KMT2D: variants seen among roughly 807,000 people sequenced by gnomAD.
KMT2D encodes histone-lysine N-methyltransferase 2D.
A neutral mutation model predicts 512.7 loss-of-function variants in KMT2D; 55 were observed. The observed-to-expected ratio is 0.11, with a 90% CI of 0.09 to 0.13. The LOEUF (loss-of-function observed/expected upper bound fraction) is 0.13, where lower values mean the gene tolerates loss of function less well. KMT2D is among the 10% of genes least tolerant of loss of function. KMT2D has a pLI of 1.00. For synonymous variants in KMT2D, 2,995 were observed against 2,904.0 expected (o/e 1.03, Z -1.01); for missense variants, 6,061 against 7,127.9 (o/e 0.85, Z 5.39).
rs766161909 is a variant in KMT2D at position 49,022,568 on chromosome 12, T to C, written c.16338+22A>G. ...GTTGAGTGCAGACTATGCACCACAATGGCCCCTCTGCCAGCTCATACCTGC... is the reference window on the plus strand; with the variant it reads ...GTTGAGTGCAGACTATGCACCACAACGGCCCCTCTGCCAGCTCATACCTGC... On this transcript the variant is annotated intron_variant, in intron 52 of 54. Transcript: ENST00000301067. The surrounding 1 kb of genome is among the most constrained non-coding windows in gnomAD (Gnocchi z 8.6). 4.3e-5 allele frequency: 69 copies of C among 1,607,704 alleles called. No individual in the cohort carries two copies. The highest frequency in any genetic ancestry group is 1.8e-4 in the Middle Eastern group (1 of 5,708).
intron 35 of KMT2D, among the ~76,000 whole-genome samples, chr12:49,035,299 T>C (rs971123032): frequency 6.6e-6 from 1 of 152,182 alleles, no homozygotes; most frequent in African/African-American, 2.4e-5. Context: ...ACTTTATGAC[T>C]CGGAAAGCAT....
chr12:49,046,241 G>A lies in KMT2D; in HGVS notation c.4583+19C>T, dbSNP rs1943779157. On this transcript the variant is annotated intron_variant, in intron 17 of 54. Transcript: ENST00000301067. This position sits in a 1 kb window ranked among gnomAD's most constrained non-coding sequence, Gnocchi z 4.2. ...AGGCTGGCAACAGGGCCAAAGTGAG[G>A]AGAAAGGGATGTTCTCACCGTTCAC... 1.2e-6 allele frequency: 2 copies of A among 1,613,820 alleles called. No individual in the cohort carries two copies. The highest frequency in any genetic ancestry group is 1.7e-5 in the Admixed American group (1 of 59,988).
Position 49,033,568 on chromosome 12 carries a change from A to C in KMT2D, c.11137T>G (p.Ser3713Ala), listed in dbSNP as rs780573479. 3.1e-6 allele frequency: 5 copies of C among 1,613,504 alleles called. No homozygotes were observed. Among genetic ancestry groups the C allele is most frequent in the Admixed American group, 1.7e-5 (1 of 60,016 alleles). The stretch of plus-strand genomic sequence containing the variant: ...AGCTGCCTTTCCTGTAAAAGCCTTG[A>C]ATCAGGTCCGAGGCTTCGAAGAGCA... ...NLALRSLGPD[S>A]RLLQERQLQL... is the part of the protein sequence containing the mutation. Residue 3713 changes from serine to alanine, a missense_variant, in exon 40 of 55, where the codon TCA (serine) becomes GCA (alanine). Around this residue, in one of 16 missense-constraint regions of KMT2D, gnomAD observed 1,600 missense variants for 1,754.9 expected, o/e 0.91. Coordinates refer to ENST00000301067, the MANE Select transcript of KMT2D (RefSeq NM_003482.4).
chr12:49,043,469 A>ATC, intron 24 of KMT2D, 41 bp from the exon 25 acceptor site: 1 of 1,607,976 alleles, frequency 6.2e-7, no homozygotes, highest in Non-Finnish European at 8.5e-7. Flanking sequence ...GATGTCCTAC[A>ATC]TCTGATGCCC....
rs1565776588 is a variant in KMT2D, at chr12:49,032,822, T to TTGC, written c.11882_11883insGCA (p.Gln3965dup). On this transcript the variant is annotated inframe_insertion, in exon 40 of 55. Coordinates refer to ENST00000301067, the MANE Select transcript of KMT2D (RefSeq NM_003482.4). The stretch of plus-strand genomic sequence containing the variant: ...GCTGCTGTTGAAACTGCTGCTGTTG[T>TTGC]TGTTGCTGTTGCTGTTGTAGCTGCT... The TTGC allele has an allele frequency of 6.4e-7, 1 of 1,550,906 alleles. No individual in the cohort carries two copies. Among genetic ancestry groups the TTGC allele is most frequent in the South Asian group, 1.2e-5 (1 of 84,014 alleles).
chr12:49,022,212 TGTTC>T lies in KMT2D; in HGVS notation c.16412+64_16413-62del. On this transcript the variant is annotated intron_variant, in intron 53 of 54. Coordinates refer to ENST00000301067, the MANE Select transcript of KMT2D (RefSeq NM_003482.4). This position sits in a 1 kb window ranked among gnomAD's most constrained non-coding sequence, Gnocchi z 8.6. The stretch of plus-strand genomic sequence containing the variant: ...CTAACTTGGGACAATTTTGATTCCT[TGTTC>T]GTCTATCCCCCAGAGTGCCACTCTC... 6.2e-7 allele frequency: 1 copy of T among 1,601,906 alleles called. No homozygotes were observed. The highest frequency in any genetic ancestry group is 2.2e-5 in the East Asian group (1 of 44,788).
At position 49,054,058 on chromosome 12, in the gene KMT2D, G is replaced by A. The variant is rs748834953; in HGVS notation, c.593C>T (p.Ala198Val). ...GCPRLYHFPC[A>V]TASGSFLSMK... ...GGATAGGAAGGAACCGCTGGCAGTCGCGCAGGGGAAGTGGTAAAGCCGTGG... is the reference window on the plus strand; with the variant it reads ...GGATAGGAAGGAACCGCTGGCAGTCACGCAGGGGAAGTGGTAAAGCCGTGG... Residue 198 changes from alanine to valine, a missense_variant, in exon 6 of 55, where the codon GCG (alanine) becomes GTG (valine). This residue lies in a region of KMT2D where 160 missense variants were observed against 225.8 expected (regional missense o/e 0.71). Transcript: ENST00000301067. This position sits in a 1 kb window ranked among gnomAD's most constrained non-coding sequence, Gnocchi z 6.4. The A allele has an allele frequency of 1.1e-5, 18 of 1,613,910 alleles. No homozygotes were observed. The highest frequency in any genetic ancestry group is 2.2e-5 in the East Asian group (1 of 44,880).
In KMT2D at chr12:49,024,752, G is replaced by C. The variant is rs2137710993; in HGVS notation, c.15922-44C>G. On this transcript the variant is annotated intron_variant, in intron 50 of 54. Transcript: ENST00000301067. The surrounding 1 kb of genome is among the most constrained non-coding windows in gnomAD (Gnocchi z 4.5). ...CTCACCTTAGCCTGAGTTTTTTTGG[G>C]GTTAGGCCAAAGTTCTCAGTGCCCG... 1 of 1,608,206 alleles carries C rather than the reference G, an allele frequency of 6.2e-7. No individual in the cohort carries two copies. The highest frequency in any genetic ancestry group is 2.2e-5 in the East Asian group (1 of 44,728).
Position 49,042,346 on chromosome 12 carries a change from A to G in KMT2D, c.5868-16T>C. On this transcript the variant is annotated splice_polypyrimidine_tract_variant and intron_variant, in intron 28 of 54. Coordinates refer to ENST00000301067, the MANE Select transcript of KMT2D (RefSeq NM_003482.4). This position sits in a 1 kb window ranked among gnomAD's most constrained non-coding sequence, Gnocchi z 4.4. ...CCCGCGCTCCCTGGGGCGCAGGGGC[A>G]GAGAGTCACAGGGCGCAGGGATGCC... 6.6e-7 allele frequency: 1 copy of G among 1,512,320 alleles called. No homozygotes were observed. The highest frequency in any genetic ancestry group is 8.9e-7 in the Non-Finnish European group (1 of 1,129,718). 93.7% of individuals were successfully genotyped at this position (1,512,320 alleles called of 1,614,324 possible). A position where few individuals can be genotyped will look rare whatever the true frequency, so the allele number is the denominator to read the frequency against.
chr12:49,054,503 T>C lies in KMT2D; in HGVS notation c.400+25A>G, dbSNP rs1211881648. 5 of 1,594,924 alleles carry C rather than the reference T, an allele frequency of 3.1e-6. No homozygotes were observed. In the East Asian group the frequency reaches 1.1e-4, roughly 36 times the overall value. Reference sequence around the variant, plus strand: ...CAGGACTACCCAGCCCTTATCCCATTTCCTGCCCCATTCTCCTCACTCACC... The same window carrying C: ...CAGGACTACCCAGCCCTTATCCCATCTCCTGCCCCATTCTCCTCACTCACC... On this transcript the variant is annotated intron_variant, in intron 4 of 54. Coordinates refer to ENST00000301067, the MANE Select transcript of KMT2D (RefSeq NM_003482.4). The surrounding 1 kb of genome is among the most constrained non-coding windows in gnomAD (Gnocchi z 6.4).
In KMT2D at chr12:49,040,829, G is replaced by A. The variant is rs1401415779; in HGVS notation, c.6941C>T (p.Thr2314Ile). ...CTTTAACTCCAGGCCACCCAGGTGG[G>A]TGCCTGAGGAGGGTGAGTCAACAAA... ...LGFVDSPSSG[T>I]HLGGLELKTP... Residue 2314 changes from threonine (T) to isoleucine (I), a missense_variant, in exon 32 of 55, where the codon ACC (threonine) becomes ATC (isoleucine). Thr to Ile is a moderately conservative substitution (Grantham distance 89, BLOSUM62 -1). Transcript: ENST00000301067. 3 of 1,613,782 alleles carry A rather than the reference G, an allele frequency of 1.9e-6. No homozygotes were observed. Among genetic ancestry groups the A allele is most frequent in the Non-Finnish European group, 2.5e-6 (3 of 1,179,762 alleles).
chr12:49,050,875 C>T lies in KMT2D; in HGVS notation c.2797+11G>A, dbSNP rs2120658844. 1 of 1,542,572 alleles carries T rather than the reference C, an allele frequency of 6.5e-7. No homozygotes were observed. Among genetic ancestry groups the T allele is most frequent in the African/African-American group, 1.4e-5 (1 of 73,018 alleles). On this transcript the variant is annotated intron_variant, in intron 11 of 54. Transcript: ENST00000301067. The stretch of plus-strand genomic sequence containing the variant: ...CTGTTCCAGAATAACAGAGTACTAA[C>T]ATCCCCTTACCTGGTGGCATCAGCT...
In KMT2D at chr12:49,049,714, G is replaced by A. The variant is rs762841102; in HGVS notation, c.3874C>T (p.Arg1292Cys). Residue 1292 changes from arginine to cysteine, a missense_variant, in exon 12 of 55, where the codon CGC (arginine) becomes TGC (cysteine). By Grantham distance (180) the Arg-to-Cys change is radical (BLOSUM62 -3). Transcript: ENST00000301067. ...ATGCGGGAACGGGCTGGGGAGCTGC[G>A]CCGCCGCCCCTTCTCCCCCTCAGCT... is the stretch of plus-strand genomic sequence containing the variant. Reference protein sequence around the residue: ...GKAEGEKGRRRSSPARSRIKQ... With the variant: ...GKAEGEKGRRCSSPARSRIKQ... 6 of 1,599,580 alleles carry A rather than the reference G, an allele frequency of 3.8e-6. No individual in the cohort carries two copies. Among genetic ancestry groups the A allele is most frequent in the South Asian group, 2.2e-5 (2 of 90,440 alleles).
In KMT2D at chr12:49,038,714, C is replaced by A. The variant is rs775911186; in HGVS notation, c.8642G>T (p.Arg2881Leu). 1 of 1,610,188 alleles carries A rather than the reference C, an allele frequency of 6.2e-7. No homozygotes were observed. Among genetic ancestry groups the A allele is most frequent in the Non-Finnish European group, 8.5e-7 (1 of 1,178,524 alleles). Residue 2881 changes from arginine to leucine, a missense_variant, in exon 35 of 55, where the codon CGG (arginine) becomes CTG (leucine). Arg to Leu is a moderately radical substitution (Grantham distance 102). Coordinates refer to ENST00000301067, the MANE Select transcript of KMT2D (RefSeq NM_003482.4). The surrounding 1 kb of genome is among the most constrained non-coding windows in gnomAD (Gnocchi z 5.7). ...TCCCAGTCCTTTCTGTACATTGTGC[C>A]GCAGCTCAATGAACTGGGCAGGACC... Reference protein sequence around the residue: ...PAGPAQFIELRHNVQKGLGPG... With the variant: ...PAGPAQFIELLHNVQKGLGPG...
At chr12:49,027,419 C>T in intron 48 of KMT2D, 97 bp from the exon 49 acceptor site, 1 of 977,604 alleles carries the variant, frequency 1.0e-6, no homozygotes, top group East Asian at 2.5e-5. Context: ...AAGGCCTCCA[C>T]ATTCTTTGCC....
At chr12:49,053,829 C>A in intron 6 of KMT2D, 149 bp downstream of exon 6, 2 of 1,084,640 alleles carry the variant, frequency 1.8e-6, no homozygotes, top group Non-Finnish European at 2.6e-6. Context: ...ACAGGCAAAA[C>A]CCTGGTGCTC....
Position 49,042,864 on chromosome 12 carries a change from C to T in KMT2D, c.5659G>A (p.Glu1887Lys). The T allele has an allele frequency of 6.2e-7, 1 of 1,613,882 alleles. No individual in the cohort carries two copies. ...AAGAGCTGCTGCAGGTCCTTGGATT[C>T]CATCTTGGGCAGTTCTGTGGGGGAA... ...RISTEELPKMESKDLQQLFKD... is the reference protein window; with the variant it reads ...RISTEELPKMKSKDLQQLFKD... The change falls in exon 27 of 55, where the codon GAA (glutamate) becomes AAA (lysine). Residue 1887 changes from glutamate to lysine, a missense_variant. Glu to Lys is a moderately conservative substitution (Grantham distance 56). Transcript: ENST00000301067. This position sits in a 1 kb window ranked among gnomAD's most constrained non-coding sequence, Gnocchi z 4.4.
rs2120507070 is a variant in KMT2D at position 49,038,968 on chromosome 12, T to C, written c.8388A>G (p.Gln2796=). ...GATAGGGTGCTCGCTGATAGAAAGC[T>C]TGGGAGCCTCCTACCAGTTGCCTGG... ...VNSRQLVGGS[Q]AFYQRAPYPG... Residue 2796 remains glutamine (Q), a synonymous_variant, in exon 35 of 55, where the codon CAA becomes CAG. Transcript: ENST00000301067. This position sits in a 1 kb window ranked among gnomAD's most constrained non-coding sequence, Gnocchi z 5.7. The C allele has an allele frequency of 6.4e-7, 1 of 1,551,814 alleles. No homozygotes were observed. Among genetic ancestry groups the C allele is most frequent in the Non-Finnish European group, 8.7e-7 (1 of 1,147,078 alleles).
Position 49,055,364 on chromosome 12 carries a change from G to A in KMT2D, c.-37-3C>T, listed in dbSNP as rs750501302. On this transcript the variant is annotated splice_region_variant and splice_polypyrimidine_tract_variant and intron_variant, in intron 1 of 54. Transcript: ENST00000301067. ...GGGCAGGGCCCTCTCGGGGAGACCT[G>A]TTGGTGCCAAGAAAGAGATCTATAT... 4 of 1,591,076 alleles carry A rather than the reference G, an allele frequency of 2.5e-6. No homozygotes were observed. In the South Asian group the frequency reaches 4.5e-5, roughly 18 times the overall value.
Sources: gnomAD v4.1 joint callset for allele counts (sites outside exome capture counted in the v4.1 genomes callset) on GRCh38, gnomAD v4.1.1 for gene constraint, gnomAD v4.1.1 regional missense constraint, Gnocchi (gnomAD v3.1) non-coding constraint, MANE v1.5 for transcripts, NCBI Gene and HGNC (gene_info 2026-07-23, HGNC 2026-07-21) for gene names.